Variants in MIER3 observed in about 807,000 individuals in gnomAD.
The protein encoded by MIER3 is MIER family member 3.
In MIER3, 9 loss-of-function variants were observed where a neutral mutation model predicts 63.2. The ratio of observed to expected loss-of-function variants is 0.14; its 90% CI spans 0.09 to 0.25. The LOEUF is 0.25. Ranked by LOEUF, MIER3 falls within the 10% of genes least tolerant of loss-of-function variation. The probability of loss-of-function intolerance (pLI) is 1.00; values close to 1 mark genes in which losing one functional copy is unlikely to be tolerated. For missense variants in MIER3, 512 were observed against 666.2 expected, an observed-to-expected ratio of 0.77 and a Z score of 2.55; for synonymous variants, 205 against 224.9, an observed-to-expected ratio of 0.91 and a Z score of 0.79.
At chr5:56,935,019 G>A (rs1020274846) in intron 7 of MIER3, among the ~76,000 whole-genome samples, 3 of 152,198 alleles carry the variant, frequency 2.0e-5, no homozygotes, top group African/African-American at 7.2e-5. Context: ...GGCTGGGGAA[G>A]GAGAATTTCT....
rs757910400 is a variant in MIER3 at position 56,920,485 on chromosome 5, TAAG to T, written c.*2640_*2642del. ...AAAAAGAATTTATCACAGTTTGTTA[TAAG>T]AATTGTGCTTAACACTTGATAATAA... On this transcript the variant is annotated 3_prime_UTR_variant, in exon 13 of 13. Transcript: ENST00000381199. 7.9e-5 allele frequency: 12 copies of T among 152,578 alleles called. No individual in the cohort carries two copies. The highest frequency in any genetic ancestry group is 1.2e-4 in the Non-Finnish European group (8 of 67,958). The allele number at this position is 152,578 out of a possible 1,614,324, so 9.5% of individuals were successfully genotyped here.
intron 8 of MIER3, among the ~76,000 whole-genome samples, 154 bp downstream of exon 8, chr5:56,933,093 C>T (rs1750328130): frequency 6.6e-6 from 1 of 152,062 alleles, no homozygotes; most frequent in African/African-American, 2.4e-5. Context: ...CTCTAGAACT[C>T]AAGGTTATGG....
chr5:56,950,410 A>G (rs754617081), intron 2 of MIER3, among the ~76,000 whole-genome samples: 1 of 151,954 alleles, frequency 6.6e-6, no homozygotes, highest in Non-Finnish European at 1.5e-5. Flanking sequence ...CGCTTGTCTT[A>G]GCAACTTTGT....
chr5:56,937,490 TTC>T, intron 5 of MIER3, 86 bp downstream of exon 5: 1 of 1,267,098 alleles, frequency 7.9e-7, no homozygotes, highest in Non-Finnish European at 1.1e-6. Flanking sequence ...TATTAGAATA[TTC>T]TGACACAAAT....
At chr5:56,928,574 G>A (rs1750116159) in intron 10 of MIER3, 193 bp downstream of exon 10, 1 of 438,332 alleles carries the variant, frequency 2.3e-6, no homozygotes, top group Admixed American at 4.1e-5. Context: ...GAAAAGATAT[G>A]TGAATATACT....
At chr5:56,950,338 C>G (rs28418821) in intron 2 of MIER3, among the ~76,000 whole-genome samples, 3,302 of 152,284 alleles carry the variant, frequency 0.022, 127 homozygotes, top group African/African-American at 0.076. Context: ...TTGGGATTAA[C>G]TGTTTCAGGC....
intron 8 of MIER3, among the ~76,000 whole-genome samples, 178 bp from the exon 9 acceptor site, chr5:56,930,923 T>C (rs1258353345): frequency 2.6e-5 from 4 of 152,346 alleles, no homozygotes; most frequent in Middle Eastern, 3.4e-3. Flanking sequence ...ATCATGCAGA[T>C]TGACTCTGGT....
chr5:56,926,884 A>AT (rs138836485), intron 10 of MIER3, among the ~76,000 whole-genome samples: 34,143 of 152,106 alleles, frequency 0.22, 5,078 homozygotes, highest in Middle Eastern at 0.34. Flanking sequence ...CTATTCAGTG[A>AT]TAAAAAAAAG....
intron 10 of MIER3, chr5:56,928,220 G>A (rs533168273): frequency 2.6e-5 from 4 of 152,288 alleles, no homozygotes; most frequent in African/African-American, 9.6e-5. Context: ...AAATGCCAAG[G>A]AACAGGATTA....
At chr5:56,945,201 T>C (rs1335864530) in intron 3 of MIER3, among the ~76,000 whole-genome samples, 2 of 152,170 alleles carry the variant, frequency 1.3e-5, no homozygotes, top group East Asian at 3.8e-4. Flanking sequence ...TGGTGGCTCA[T>C]GCTATAATCC....
chr5:56,922,079 A>T lies in MIER3; in HGVS notation c.*1049T>A, dbSNP rs533885142. 2.1e-4 allele frequency: 32 copies of T among 152,776 alleles called. No homozygotes were observed. The highest frequency in any genetic ancestry group is 4.7e-4 in the Non-Finnish European group (32 of 68,030). The allele number at this position is 152,776 out of a possible 1,614,324, so 9.5% of individuals were successfully genotyped here. ...TCAAGCTTAACAAAAAAGCTTAAAT[A>T]TACTTCAAGGTTCTACTGCATTAGG... On this transcript the variant is annotated 3_prime_UTR_variant, in exon 13 of 13. Transcript: ENST00000381199.
chr5:56,928,991 T>TCACACA (rs3989923), intron 9 of MIER3, 130 bp from the exon 10 acceptor site: 36,347 of 454,694 alleles, frequency 0.08, 838 homozygotes, highest in East Asian at 0.12. Flanking sequence ...ACTCTCTCTC[T>TCACACA]CACACACACA....
rs753718682 is a variant in MIER3, at chr5:56,947,038, T to A, written c.68A>T (p.Asp23Val). The A allele has an allele frequency of 6.2e-7, 1 of 1,609,428 alleles. No individual in the cohort carries two copies. The highest frequency in any genetic ancestry group is 1.7e-5 in the Admixed American group (1 of 58,966). Reference protein sequence around the residue: ...GSLSSEDHDFDPTAEMLVHDY... With the variant: ...GSLSSEDHDFVPTAEMLVHDY... Reference sequence around the variant, plus strand: ...ATGGACCAACATCTCAGCAGTGGGGTCAAAATCATGATCCTCAGAAGACAA... The same window carrying A: ...ATGGACCAACATCTCAGCAGTGGGGACAAAATCATGATCCTCAGAAGACAA... The change falls in exon 3 of 13, where the codon GAC becomes GTC. Residue 23 changes from aspartate (D) to valine (V), a missense_variant. Transcript: ENST00000381199.
intron 3 of MIER3, among the ~76,000 whole-genome samples, 161 bp from the exon 4 acceptor site, chr5:56,939,178 G>C (rs1278334650): frequency 6.6e-6 from 1 of 152,172 alleles, no homozygotes; most frequent in East Asian, 1.9e-4. Flanking sequence ...CAGAAAACAG[G>C]ACCAAACACC....
chr5:56,944,861 A>G lies in MIER3; in HGVS notation c.180+2065T>C, dbSNP rs578116626. On this transcript the variant is annotated intron_variant, in intron 3 of 12. Coordinates refer to ENST00000381199, the MANE Select transcript of MIER3 (RefSeq NM_001297599.2). ...TAGCATGCACCATCACACCCAGCTA[A>G]TTGTTAAATTTTTTTGGTAGAAACA... is the stretch of plus-strand genomic sequence containing the variant. Among the ~76,000 whole-genome samples the G allele has an allele frequency of 4.6e-4, 70 of 151,962 alleles. 1 individual carries two copies. The South Asian group carries it at 9.6e-3, about 21-fold the overall frequency.
chr5:56,923,697 A>T lies in MIER3; in HGVS notation c.1189T>A (p.Leu397Met). 3.7e-6 allele frequency: 6 copies of T among 1,614,218 alleles called. No homozygotes were observed. The highest frequency in any genetic ancestry group is 3.4e-6 in the Non-Finnish European group (4 of 1,180,028). Residue 397 changes from leucine to methionine, a missense_variant, in exon 12 of 13, where the codon TTG becomes ATG. Physicochemically the swap from Leu to Met is conservative, Grantham distance 15. Around this residue, in one of 5 missense-constraint regions of MIER3, gnomAD observed 218 missense variants for 251.2 expected, o/e 0.87. Coordinates refer to ENST00000381199, the MANE Select transcript of MIER3 (RefSeq NM_001297599.2). The stretch of plus-strand genomic sequence containing the variant: ...AGAAAGGTCTTCATTTTACCTGTCA[A>T]GTCACTGGCAGTGAAGGAGTTGAGA... ...NILNSFTASD[L>M]TALTNSVATV...
chr5:56,941,734 C>G (rs1490197157), intron 3 of MIER3, among the ~76,000 whole-genome samples: 2 of 152,254 alleles, frequency 1.3e-5, no homozygotes, highest in South Asian at 2.1e-4. Flanking sequence ...GGCATTATTT[C>G]TTCTTAAAAT....
Position 56,938,865 on chromosome 5 carries a change from TCAAA to T in MIER3, c.315+14_315+17del. On this transcript the variant is annotated intron_variant, in intron 4 of 12. Coordinates refer to ENST00000381199, the MANE Select transcript of MIER3 (RefSeq NM_001297599.2). ...TGGTAACAGACCCTGAATTTTTCTT[TCAAA>T]TGCTCACACTTACTTTGTCTAGTGT... 6.2e-7 allele frequency: 1 copy of T among 1,605,632 alleles called. No individual in the cohort carries two copies. The highest frequency in any genetic ancestry group is 8.5e-7 in the Non-Finnish European group (1 of 1,173,890).
chr5:56,930,200 C>CA (rs1357473127), intron 9 of MIER3, among the ~76,000 whole-genome samples: 2 of 151,492 alleles, frequency 1.3e-5, no homozygotes, highest in Non-Finnish European at 2.9e-5. Flanking sequence ...TTGACACACA[C>CA]AAAACATAAG....
Sources: allele counts gnomAD v4.1 joint callset (sites outside exome capture counted in the v4.1 genomes callset), GRCh38; gene constraint gnomAD v4.1.1; regional missense constraint gnomAD v4.1.1; transcripts MANE v1.5; gene names NCBI Gene and HGNC (gene_info 2026-07-23, HGNC 2026-07-21).